Variants in ITPKB observed in about 807,000 individuals in gnomAD.
ITPKB encodes IP3 3-kinase B.
In ITPKB, 13 loss-of-function variants were observed where a neutral mutation model predicts 69.4. The observed-to-expected ratio is 0.19, with a 90% CI of 0.12 to 0.30. The LOEUF (loss-of-function observed/expected upper bound fraction) is 0.30, where lower values mean the gene tolerates loss of function less well. Among genes scored for constraint, ITPKB ranks in the 10% least tolerant of loss-of-function variants. The pLI, the probability that ITPKB is intolerant of heterozygous loss-of-function variation, is 1.00. For missense variants in ITPKB, 1,240 were observed against 1,250.5 expected (o/e 0.99, Z 0.13); for synonymous variants, 584 against 513.7 (o/e 1.14, Z -1.85).
chr1:226,676,396 C>T (rs1669735875), intron 2 of ITPKB: 1 of 152,216 alleles, frequency 6.6e-6, no homozygotes, highest in Admixed American at 6.5e-5. Context: ...AGGAACCATC[C>T]TGCTGTTTCA....
At chr1:226,670,573 A>G (rs960206439) in intron 2 of ITPKB, among the ~76,000 whole-genome samples, 12 of 152,246 alleles carry the variant, frequency 7.9e-5, no homozygotes, top group Non-Finnish European at 1.2e-4. Context: ...AGAAACGTGG[A>G]AAATGTTGCT....
At chr1:226,726,913 C>A (rs1316344743) in intron 2 of ITPKB, among the ~76,000 whole-genome samples, 2 of 152,128 alleles carry the variant, frequency 1.3e-5, no homozygotes, top group Non-Finnish European at 2.9e-5. Flanking sequence ...TTGTGCCCAA[C>A]AAAATCTCTT....
intron 5 of ITPKB, 21 bp from the exon 6 acceptor site, chr1:226,639,679 C>T (rs1162291838): frequency 6.5e-7 from 1 of 1,539,524 alleles, no homozygotes. Context: ...GAACACCCCA[C>T]CCAGGAGGGG....
chr1:226,667,137 C>A (rs1201307879), intron 2 of ITPKB, among the ~76,000 whole-genome samples: 1 of 152,166 alleles, frequency 6.6e-6, no homozygotes, highest in Non-Finnish European at 1.5e-5. Context: ...CTCCCCTATA[C>A]CTCACACACG....
intron 2 of ITPKB, among the ~76,000 whole-genome samples, chr1:226,676,753 G>T (rs1003744942): frequency 6.6e-6 from 1 of 152,232 alleles, no homozygotes; most frequent in Non-Finnish European, 1.5e-5. Context: ...AGGACGTAGG[G>T]TAACTGCCTG....
rs1428047592 is a variant in ITPKB at position 226,736,380 on chromosome 1, C to T, written c.1079G>A (p.Arg360Lys). ...LGSETSPAPE[R>K]GGPRDGEPPG... ...GGGTTCTCCATCGCGGGGCCCGCCC[C>T]TTTCTGGGGCTGGGCTTGTCTCACT... Residue 360 changes from arginine (R) to lysine (K), a missense_variant, in exon 2 of 8, where the codon AGG becomes AAG. Physicochemically the swap from Arg to Lys is conservative, Grantham distance 26. Coordinates refer to ENST00000429204, the MANE Select transcript of ITPKB (RefSeq NM_002221.4). 2 of 1,612,410 alleles carry T rather than the reference C, an allele frequency of 1.2e-6. No individual in the cohort carries two copies.
intron 2 of ITPKB, among the ~76,000 whole-genome samples, chr1:226,685,395 C>T (rs917851001): frequency 4.6e-5 from 7 of 152,324 alleles, no homozygotes; most frequent in East Asian, 3.9e-4. Flanking sequence ...CACATTCTCT[C>T]GGGTTTCCTG....
intron 2 of ITPKB, among the ~76,000 whole-genome samples, chr1:226,691,483 C>G (rs148977158): frequency 1.1e-3 from 166 of 152,228 alleles, no homozygotes; most frequent in Non-Finnish European, 1.9e-3. Flanking sequence ...CAGCACAGAA[C>G]GCCTTAGACT....
At chr1:226,649,142 A>T (rs1369982570) in intron 2 of ITPKB, among the ~76,000 whole-genome samples, 1 of 152,246 alleles carries the variant, frequency 6.6e-6, no homozygotes, top group Non-Finnish European at 1.5e-5. Flanking sequence ...GACTTTAAAG[A>T]AATTCCTCAG....
At chr1:226,728,851 C>T (rs1657500660) in intron 2 of ITPKB, among the ~76,000 whole-genome samples, 1 of 152,208 alleles carries the variant, frequency 6.6e-6, no homozygotes, top group South Asian at 2.1e-4. Context: ...CCAAGCCTAG[C>T]ACCCTTATCC....
In ITPKB at chr1:226,670,175, C is replaced by CAAAAAAA. The variant is rs35767912; in HGVS notation, c.1933-21411_1933-21405dup. On this transcript the variant is annotated intron_variant, in intron 2 of 7. Transcript: ENST00000429204. Reference sequence around the variant, plus strand: ...AGGCGTGAGCCACCAAGCTCCGCCGCAAAAAAAAAAAAAAAAAAAAAAAAA... The same window carrying CAAAAAAA: ...AGGCGTGAGCCACCAAGCTCCGCCGCAAAAAAAAAAAAAAAAAAAAAAAAAAAAAAAA... Among the ~76,000 whole-genome samples, 162 of 31,980 alleles carry CAAAAAAA rather than the reference C, an allele frequency of 5.1e-3. 15 individuals carry two copies. Among genetic ancestry groups the CAAAAAAA allele is most frequent in the East Asian group, 0.025 (31 of 1,262 alleles). The allele number at this position is 31,980 out of a possible 152,430, so 21.0% of individuals were successfully genotyped here.
chr1:226,641,769 A>G lies in ITPKB; in HGVS notation c.2451+152T>C. 1.4e-6 allele frequency: 1 copy of G among 702,910 alleles called. No homozygotes were observed. The highest frequency in any genetic ancestry group is 2.4e-6 in the Non-Finnish European group (1 of 420,450). The allele number at this position is 702,910 out of a possible 1,614,324, so 43.5% of individuals were successfully genotyped here. ...GCCATCCCGCCTGAGGAATAGGCTG[A>G]TGTCTCCAAATGTCTGGCCTTGGGG... On this transcript the variant is annotated intron_variant, in intron 5 of 7. Coordinates refer to ENST00000429204, the MANE Select transcript of ITPKB (RefSeq NM_002221.4). This position sits in a 1 kb window ranked among gnomAD's most constrained non-coding sequence, Gnocchi z 4.6.
intron 2 of ITPKB, among the ~76,000 whole-genome samples, chr1:226,669,418 T>A (rs1669569614): frequency 6.6e-6 from 1 of 151,316 alleles, no homozygotes; most frequent in Admixed American, 6.6e-5. Flanking sequence ...AAAAATGTAC[T>A]CCTGGTGTAA....
At chr1:226,689,072 TAAAG>T (rs1656284316) in intron 2 of ITPKB, among the ~76,000 whole-genome samples, 1 of 152,190 alleles carries the variant, frequency 6.6e-6, no homozygotes, top group Admixed American at 6.5e-5. Context: ...TGAAAATTCC[TAAAG>T]AAAGCCACTG....
intron 5 of ITPKB, among the ~76,000 whole-genome samples, chr1:226,639,981 G>C (rs1167626328): frequency 6.6e-6 from 1 of 152,172 alleles, no homozygotes; most frequent in Admixed American, 6.5e-5. Context: ...CCTGTCCTGG[G>C]TGCAACAGCA....
chr1:226,651,668 G>C (rs1669197344), intron 2 of ITPKB, among the ~76,000 whole-genome samples: 1 of 152,196 alleles, frequency 6.6e-6, no homozygotes, highest in African/African-American at 2.4e-5. Flanking sequence ...ACCCAGGAAG[G>C]TGAACAGATG....
At chr1:226,675,073 A>G (rs1011447815) in intron 2 of ITPKB, 1 of 149,556 alleles carries the variant, frequency 6.7e-6, no homozygotes, top group Non-Finnish European at 1.5e-5. Flanking sequence ...AAAACTCTAA[A>G]CCAGAAGGAA....
intron 2 of ITPKB, among the ~76,000 whole-genome samples, chr1:226,679,625 T>G (rs1422420636): frequency 6.6e-6 from 1 of 152,238 alleles, no homozygotes; most frequent in African/African-American, 2.4e-5. Context: ...AAAGAAGGTT[T>G]TCCTCATCAG....
intron 2 of ITPKB, among the ~76,000 whole-genome samples, chr1:226,663,972 C>T (rs1669448418): frequency 6.6e-6 from 1 of 152,182 alleles, no homozygotes; most frequent in Non-Finnish European, 1.5e-5. Context: ...CCTGTCTTCT[C>T]CCTCAGATTT....
Sources: allele counts gnomAD v4.1 joint callset (sites outside exome capture counted in the v4.1 genomes callset), GRCh38; gene constraint gnomAD v4.1.1; non-coding constraint Gnocchi (gnomAD v3.1); transcripts MANE v1.5; gene names NCBI Gene and HGNC (gene_info 2026-07-23, HGNC 2026-07-21).